GMDS: variants seen among roughly 807,000 people sequenced by gnomAD.
GMDS encodes GDP-mannose 4,6-dehydratase.
Under a neutral mutation model 49.9 loss-of-function variants are expected in GMDS, and 20 were observed. That is an observed-to-expected ratio of 0.40 (90% CI 0.28 to 0.58). The LOEUF (loss-of-function observed/expected upper bound fraction) is 0.58. Ranked by LOEUF, GMDS falls within the 20% of genes least tolerant of loss-of-function variation. The pLI is 0.42. For missense variants in GMDS, 362 were observed against 481.4 expected (o/e 0.75, Z 2.32); for synonymous variants, 177 against 178.6 (o/e 0.99, Z 0.07).
At chr6:1,913,241 C>T (rs560698750) in intron 7 of GMDS, among the ~76,000 whole-genome samples, 3 of 151,368 alleles carry the variant, frequency 2.0e-5, no homozygotes, top group South Asian at 4.2e-4. Flanking sequence ...ATTAGCCGGG[C>T]GTAGTGGCGG....
rs547996283 is a variant in GMDS, at chr6:1,737,614, A to G, written c.890+4854T>C. On this transcript the variant is annotated intron_variant, in intron 8 of 10. Transcript: ENST00000380815. ...ACATACACACACCACACACACCACA[A>G]ACACACACACAGATACACACGCACA... Among the ~76,000 whole-genome samples the G allele has an allele frequency of 8.9e-5, 13 of 145,786 alleles. No homozygotes were observed. The South Asian group carries it at 2.8e-3, about 32-fold the overall frequency.
At chr6:1,678,620 A>G (rs1764695269) in intron 9 of GMDS, among the ~76,000 whole-genome samples, 2 of 152,050 alleles carry the variant, frequency 1.3e-5, no homozygotes, top group Non-Finnish European at 2.9e-5. Flanking sequence ...TCAGATCAAC[A>G]TGGAAAGGTA....
At chr6:2,193,148 A>C (rs1321681696) in intron 1 of GMDS, among the ~76,000 whole-genome samples, 8 of 152,214 alleles carry the variant, frequency 5.3e-5, no homozygotes, top group Non-Finnish European at 1.2e-4. Context: ...CACCCAGGAC[A>C]GTCTGCACGG....
chr6:1,903,832 A>G lies in GMDS; in HGVS notation c.771+26271T>C, dbSNP rs144461912. On this transcript the variant is annotated intron_variant, in intron 7 of 10. Transcript: ENST00000380815. The stretch of plus-strand genomic sequence containing the variant: ...CCTGGATGCCTTTCTGTCCTCCTCC[A>G]TATTCTTGGGTGGGCAGGAACCTGG... 2.9e-4 allele frequency among the ~76,000 whole-genome samples: 44 copies of G among 152,042 alleles called. No homozygotes were observed. The East Asian group carries it at 8.3e-3, about 29-fold the overall frequency.
At chr6:1,742,153 C>T (rs181353751) in intron 8 of GMDS, among the ~76,000 whole-genome samples, 2 of 152,084 alleles carry the variant, frequency 1.3e-5, no homozygotes, top group Admixed American at 1.3e-4. Context: ...AACTCCTGAC[C>T]TCATGATCCT....
intron 8 of GMDS, 130 bp from the exon 9 acceptor site, chr6:1,726,642 C>G: frequency 1.5e-6 from 1 of 648,234 alleles, no homozygotes; most frequent in Non-Finnish European, 2.8e-6. Flanking sequence ...GCAGCACAGG[C>G]TGATGCTCCA....
At chr6:1,706,754 GCTT>G (rs1253841811) in intron 9 of GMDS, among the ~76,000 whole-genome samples, 1 of 152,188 alleles carries the variant, frequency 6.6e-6, no homozygotes, top group African/African-American at 2.4e-5. Context: ...GCATTTTTAT[GCTT>G]CTTTTTTCAC....
intron 5 of GMDS, among the ~76,000 whole-genome samples, chr6:1,960,369 T>C (rs961478247): frequency 7.7e-6 from 1 of 130,172 alleles, no homozygotes; most frequent in African/African-American, 3.4e-5. Context: ...TTAGACACAA[T>C]AGTCTTTTTT....
At chr6:1,670,042 C>G (rs1387621409) in intron 9 of GMDS, among the ~76,000 whole-genome samples, 1 of 150,796 alleles carries the variant, frequency 6.6e-6, no homozygotes, top group African/African-American at 2.4e-5. Flanking sequence ...TCCATAGGAA[C>G]ATCTTGGTGT....
chr6:2,182,884 T>G (rs1449583490), intron 1 of GMDS, among the ~76,000 whole-genome samples: 1 of 152,160 alleles, frequency 6.6e-6, no homozygotes, highest in Non-Finnish European at 1.5e-5. Context: ...TTTTTGTATT[T>G]TTTTGTAGAG....
At chr6:2,094,290 GAA>G (rs1174437456) in intron 4 of GMDS, among the ~76,000 whole-genome samples, 1 of 152,124 alleles carries the variant, frequency 6.6e-6, no homozygotes, top group Non-Finnish European at 1.5e-5. Flanking sequence ...GTATAGACTA[GAA>G]AAATTTGAGC....
At chr6:1,693,486 G>A (rs1230087915) in intron 9 of GMDS, among the ~76,000 whole-genome samples, 1 of 152,238 alleles carries the variant, frequency 6.6e-6, no homozygotes, top group African/African-American at 2.4e-5. Context: ...TAGGGTACTC[G>A]AAGGGCTCAC....
intron 2 of GMDS, among the ~76,000 whole-genome samples, chr6:2,123,705 T>C (rs1284251617): frequency 6.6e-6 from 1 of 152,264 alleles, no homozygotes; most frequent in Non-Finnish European, 1.5e-5. Context: ...TGGACATACG[T>C]ATACATATGT....
chr6:1,956,755 C>T (rs551146821), intron 6 of GMDS, among the ~76,000 whole-genome samples: 9 of 152,044 alleles, frequency 5.9e-5, no homozygotes, highest in South Asian at 2.1e-4. Context: ...TAACAAAAAA[C>T]AAATTTTATC....
intron 7 of GMDS, among the ~76,000 whole-genome samples, chr6:1,874,730 C>T (rs1369044237): frequency 1.3e-5 from 2 of 152,024 alleles, no homozygotes; most frequent in African/African-American, 2.4e-5. Flanking sequence ...CTCATATATG[C>T]GCTGAAGACT....
intron 8 of GMDS, among the ~76,000 whole-genome samples, chr6:1,734,640 C>T (rs1379985052): frequency 6.6e-6 from 1 of 152,216 alleles, no homozygotes; most frequent in Non-Finnish European, 1.5e-5. Context: ...GGGGAGGCCT[C>T]CTCAAACATT....
intron 4 of GMDS, among the ~76,000 whole-genome samples, chr6:1,990,112 C>A (rs973474918): frequency 1.3e-5 from 2 of 152,080 alleles, no homozygotes; most frequent in Admixed American, 6.6e-5. Context: ...TTGGCTAATA[C>A]AGTGAAACCC....
At chr6:1,654,292 A>G (rs569133448) in intron 9 of GMDS, among the ~76,000 whole-genome samples, 10 of 152,356 alleles carry the variant, frequency 6.6e-5, no homozygotes, top group Non-Finnish European at 1.5e-4. Flanking sequence ...CTGAGTCTCA[A>G]ATAGACACTT....
intron 7 of GMDS, among the ~76,000 whole-genome samples, chr6:1,877,646 A>T (rs1444961102): frequency 7.1e-5 from 4 of 56,444 alleles, no homozygotes; most frequent in African/African-American, 8.1e-5. Context: ...TCAAAAATTA[A>T]AAAAAAAAAA....
Sources: allele counts gnomAD v4.1 joint callset (sites outside exome capture counted in the v4.1 genomes callset), GRCh38; gene constraint gnomAD v4.1.1; transcripts MANE v1.5; gene names NCBI Gene and HGNC (gene_info 2026-07-23, HGNC 2026-07-21).